The following BAALC variants were observed in gnomAD, a reference collection of about 807,000 sequenced individuals.
BAALC encodes brain and acute leukemia cytoplasmic protein.
BAALC carries 9 observed loss-of-function variants against 15.5 expected under a neutral mutation model. The ratio of observed to expected loss-of-function variants is 0.58; its 90% CI spans 0.35 to 1.02. BAALC has a LOEUF of 1.02. BAALC is among the 50% of genes least tolerant of loss of function. BAALC has a pLI of 0.02. For missense variants in BAALC, 201 were observed against 192.4 expected, an observed-to-expected ratio of 1.04 and a Z score of -0.27; for synonymous variants, 80 against 74.6, an observed-to-expected ratio of 1.07 and a Z score of -0.37.
intron 1 of BAALC, chr8:103,165,665 G>T (rs1468294848): frequency 6.6e-6 from 1 of 152,142 alleles, no homozygotes; most frequent in African/African-American, 2.4e-5. Context: ...GGAGATTTAT[G>T]ACTTATTTGT....
intron 1 of BAALC, among the ~76,000 whole-genome samples, chr8:103,185,606 G>T (rs993304198): frequency 3.9e-5 from 6 of 152,218 alleles, no homozygotes; most frequent in Non-Finnish European, 7.3e-5. Flanking sequence ...TCTGCCCCAG[G>T]CCTCAAAATT....
At chr8:103,152,742 G>T (rs948380567) in intron 1 of BAALC, among the ~76,000 whole-genome samples, 1 of 152,192 alleles carries the variant, frequency 6.6e-6, no homozygotes, top group African/African-American at 2.4e-5. Context: ...CCCATGGAAG[G>T]TCTGCACAGA....
chr8:103,167,206 G>A (rs1469665497), intron 1 of BAALC, among the ~76,000 whole-genome samples: 2 of 152,228 alleles, frequency 1.3e-5, no homozygotes, highest in African/African-American at 2.4e-5. Flanking sequence ...AGACAGGGCA[G>A]TGGCCTTACC....
chr8:103,180,173 G>A (rs1811694356), intron 1 of BAALC, among the ~76,000 whole-genome samples: 3 of 152,206 alleles, frequency 2.0e-5, no homozygotes, highest in South Asian at 2.1e-4. Flanking sequence ...CAGGGTGGGC[G>A]AGTGGGAGGA....
At chr8:103,218,799 G>T (rs1294124986) in intron 2 of BAALC, among the ~76,000 whole-genome samples, 1 of 152,146 alleles carries the variant, frequency 6.6e-6, no homozygotes, top group Non-Finnish European at 1.5e-5. Flanking sequence ...TCCTCCTCCT[G>T]TCCCCTCCCC....
chr8:103,214,487 C>A lies in BAALC; in HGVS notation c.327+1402C>A, dbSNP rs187735503. On this transcript the variant is annotated intron_variant, in intron 2 of 2. Coordinates refer to ENST00000309982, the MANE Select transcript of BAALC (RefSeq NM_024812.3). ...TCCCCAGTTCCAAAAACTTACTGGT[C>A]CTGTCCCCTCGGGCCAATGCCACCT... is the stretch of plus-strand genomic sequence containing the variant. Among the ~76,000 whole-genome samples, 987 of 152,330 alleles carry A rather than the reference C, an allele frequency of 6.5e-3. 9 individuals are homozygous for A. Among genetic ancestry groups the A allele is most frequent in the Middle Eastern group, 0.027 (8 of 294 alleles).
At chr8:103,219,186 G>A (rs1277582627) in intron 2 of BAALC, among the ~76,000 whole-genome samples, 5 of 152,118 alleles carry the variant, frequency 3.3e-5, no homozygotes, top group African/African-American at 7.2e-5. Flanking sequence ...TGTAAGACTC[G>A]GTATTCATGT....
chr8:103,205,318 G>T (rs1812303645), intron 1 of BAALC, among the ~76,000 whole-genome samples: 1 of 152,078 alleles, frequency 6.6e-6, no homozygotes, highest in African/African-American at 2.4e-5. Flanking sequence ...AGCAAGCTGT[G>T]GACACAGCTA....
chr8:103,143,392 T>C (rs1451705356), intron 1 of BAALC, among the ~76,000 whole-genome samples: 3 of 152,160 alleles, frequency 2.0e-5, no homozygotes, highest in Non-Finnish European at 4.4e-5. Context: ...GAGGCCAGAA[T>C]GCCACTTTTT....
At chr8:103,194,074 G>T (rs981494640) in intron 1 of BAALC, among the ~76,000 whole-genome samples, 1 of 152,080 alleles carries the variant, frequency 6.6e-6, no homozygotes, top group Non-Finnish European at 1.5e-5. Context: ...TTGATGCAAA[G>T]AAAACCTCTT....
At chr8:103,174,034 A>T (rs1811553969) in intron 1 of BAALC, among the ~76,000 whole-genome samples, 1 of 152,196 alleles carries the variant, frequency 6.6e-6, no homozygotes, top group South Asian at 2.1e-4. Context: ...CCTTGTAGAG[A>T]AACTGGAGGC....
At chr8:103,211,955 C>G (rs939831418) in intron 1 of BAALC, among the ~76,000 whole-genome samples, 6 of 152,218 alleles carry the variant, frequency 3.9e-5, no homozygotes, top group African/African-American at 1.4e-4. Context: ...TGACATCATA[C>G]TTGGCATTCC....
chr8:103,213,228 TA>T (rs1261668443), intron 2 of BAALC, 143 bp downstream of exon 2: 1 of 957,470 alleles, frequency 1.0e-6, no homozygotes. Flanking sequence ...CCCACCCATG[TA>T]AAAATTGCTG....
chr8:103,143,833 T>C (rs1376208048), intron 1 of BAALC, among the ~76,000 whole-genome samples: 1 of 152,260 alleles, frequency 6.6e-6, no homozygotes, highest in African/African-American at 2.4e-5. Context: ...TCCTCCGTCC[T>C]GTCAGCTCTT....
intron 1 of BAALC, among the ~76,000 whole-genome samples, chr8:103,182,775 G>A (rs1393908676): frequency 6.6e-6 from 1 of 152,212 alleles, no homozygotes; most frequent in African/African-American, 2.4e-5. Flanking sequence ...CCAGCTGCAA[G>A]TGACAGAATG....
chr8:103,188,747 T>C (rs1811901242), intron 1 of BAALC, among the ~76,000 whole-genome samples: 1 of 152,234 alleles, frequency 6.6e-6, no homozygotes, highest in Admixed American at 6.5e-5. Context: ...CTTGAAGTTA[T>C]AAACTGATCT....
chr8:103,140,875 G>A lies in BAALC; in HGVS notation c.-23G>A, dbSNP rs1390496811. 7.4e-6 allele frequency: 11 copies of A among 1,483,894 alleles called. No individual in the cohort carries two copies. Among genetic ancestry groups the A allele is most frequent in the East Asian group, 3.0e-5 (1 of 33,040 alleles). 91.9% of individuals were successfully genotyped at this position (1,483,894 alleles called of 1,614,324 possible). Reference sequence around the variant, plus strand: ...CAGAGCCGACAGCCGAGCAGCCGCTGGGCGCTCCCGCGGCGCAGGAGGATG... The same window carrying A: ...CAGAGCCGACAGCCGAGCAGCCGCTAGGCGCTCCCGCGGCGCAGGAGGATG... On this transcript the variant is annotated 5_prime_UTR_variant, in exon 1 of 3. Coordinates refer to ENST00000309982, the MANE Select transcript of BAALC (RefSeq NM_024812.3). The surrounding 1 kb of genome is among the most constrained non-coding windows in gnomAD (Gnocchi z 4.2).
intron 1 of BAALC, among the ~76,000 whole-genome samples, chr8:103,167,048 T>C (rs1811365618): frequency 1.3e-5 from 2 of 152,224 alleles, no homozygotes; most frequent in Admixed American, 1.3e-4. Flanking sequence ...TCCACTATTA[T>C]GACCTAAATG....
At chr8:103,176,647 G>A (rs576037872) in intron 1 of BAALC, among the ~76,000 whole-genome samples, 8 of 152,198 alleles carry the variant, frequency 5.3e-5, no homozygotes, top group Admixed American at 2.6e-4. Context: ...TCTGTGACCC[G>A]CCTTTTGGAA....
Sources: gnomAD v4.1 joint callset for allele counts (sites outside exome capture counted in the v4.1 genomes callset) on GRCh38, gnomAD v4.1.1 for gene constraint, Gnocchi (gnomAD v3.1) non-coding constraint, MANE v1.5 for transcripts, NCBI Gene and HGNC (gene_info 2026-07-23, HGNC 2026-07-21) for gene names.